The following MYO3B variants were observed in gnomAD, a reference collection of about 807,000 sequenced individuals.
MYO3B encodes the protein myosin-IIIb.
A neutral mutation model predicts 174.6 loss-of-function variants in MYO3B; 156 were observed. The ratio of observed to expected loss-of-function variants is 0.89; its 90% confidence interval spans 0.78 to 1.02. MYO3B has a LOEUF of 1.02. Ranked by LOEUF, MYO3B falls within the 50% of genes least tolerant of loss-of-function variation. MYO3B has a pLI of 0.00. For synonymous variants in MYO3B, 563 were observed against 569.1 expected (o/e 0.99, Z 0.15); for missense variants, 1,632 against 1,639.4 (o/e 1.00, Z 0.08).
intron 7 of MYO3B, among the ~76,000 whole-genome samples, chr2:170,269,422 T>G (rs2093410739): frequency 6.6e-6 from 1 of 152,184 alleles, no homozygotes; most frequent in Admixed American, 6.5e-5. Flanking sequence ...TGCTTCCATT[T>G]TTTTTCCCCA....
intron 5 of MYO3B, among the ~76,000 whole-genome samples, chr2:170,216,886 A>G (rs964436888): frequency 1.1e-5 from 1 of 91,436 alleles, no homozygotes; most frequent in Admixed American, 8.7e-5. Flanking sequence ...GATGTCCATT[A>G]GGGAAAAAAA....
chr2:170,342,686 G>C (rs537888265), intron 8 of MYO3B, among the ~76,000 whole-genome samples: 27 of 152,176 alleles, frequency 1.8e-4, no homozygotes, highest in Non-Finnish European at 3.5e-4. Flanking sequence ...GCTAGGCACT[G>C]TTCTCTACAT....
chr2:170,242,552 G>A (rs2093145951), intron 7 of MYO3B, among the ~76,000 whole-genome samples: 1 of 152,134 alleles, frequency 6.6e-6, no homozygotes, highest in Non-Finnish European at 1.5e-5. Context: ...TGTAGGTACT[G>A]CTTGCTGCCC....
chr2:170,551,774 T>C (rs968695714), intron 32 of MYO3B, among the ~76,000 whole-genome samples: 1 of 152,178 alleles, frequency 6.6e-6, no homozygotes, highest in Admixed American at 6.5e-5. Context: ...CCAAATCTCA[T>C]GTTGAATTGT....
rs926730376 is a variant in MYO3B, at chr2:170,558,209, G to A, written c.3733+14221G>A. ...CCAGCTACTCAGGAGGCTGAGGCAG[G>A]AGAATGGTGTGAACCCGGGAGGCGG... On this transcript the variant is annotated intron_variant, in intron 32 of 34. Transcript: ENST00000408978. 9.9e-5 allele frequency among the ~76,000 whole-genome samples: 15 copies of A among 152,040 alleles called. No individual in the cohort carries two copies. The South Asian group carries it at 1.2e-3, about 13-fold the overall frequency.
chr2:170,217,337 C>T lies in MYO3B; in HGVS notation c.545C>T (p.Thr182Ile). Residue 182 changes from threonine to isoleucine, a missense_variant, in exon 6 of 35, where the codon ACC (threonine) becomes ATC (isoleucine). Coordinates refer to ENST00000408978, the MANE Select transcript of MYO3B (RefSeq NM_138995.5). ...CTTATAGGTGTTTCAGCTCAACTCACCAGTACACGTCTGCGGAGAAACACA... is the reference window on the plus strand; with the variant it reads ...CTTATAGGTGTTTCAGCTCAACTCATCAGTACACGTCTGCGGAGAAACACA... ...LVDFGVSAQLTSTRLRRNTSV... is the reference protein window; with the variant it reads ...LVDFGVSAQLISTRLRRNTSV... 6.2e-7 allele frequency: 1 copy of T among 1,614,090 alleles called. No homozygotes were observed. The highest frequency in any genetic ancestry group is 2.2e-5 in the East Asian group (1 of 44,878).
chr2:170,568,512 A>G (rs921662896), intron 32 of MYO3B, among the ~76,000 whole-genome samples: 3 of 152,214 alleles, frequency 2.0e-5, no homozygotes, highest in African/African-American at 7.2e-5. Context: ...TGGTTTAGCT[A>G]TTGTGTGACT....
At chr2:170,474,730 T>C (rs10196673) in intron 25 of MYO3B, among the ~76,000 whole-genome samples, 129,722 of 131,244 alleles carry the variant, frequency 0.99, 64,107 homozygotes, top group East Asian at 1. Context: ...GTGACAAGAG[T>C]GAAACTCCGT....
chr2:170,381,991 T>C (rs747494761), intron 9 of MYO3B, 25 bp from the exon 10 acceptor site: 4 of 1,596,886 alleles, frequency 2.5e-6, no homozygotes, highest in Non-Finnish European at 2.6e-6. Flanking sequence ...GTCTTAATGC[T>C]TAAACTCTCT....
At chr2:170,633,645 A>C (rs754625964) in intron 32 of MYO3B, among the ~76,000 whole-genome samples, 1 of 152,220 alleles carries the variant, frequency 6.6e-6, no homozygotes, top group African/African-American at 2.4e-5. Flanking sequence ...AGAAAGAAAG[A>C]AACGGTATTC....
At chr2:170,198,586 A>ACATCAGC (rs1258385860) in intron 1 of MYO3B, among the ~76,000 whole-genome samples, 2 of 152,182 alleles carry the variant, frequency 1.3e-5, no homozygotes, top group Non-Finnish European at 2.9e-5. Flanking sequence ...TTGGGCTGGG[A>ACATCAGC]CATCAGCCAT....
At chr2:170,360,190 A>G (rs554888004) in intron 8 of MYO3B, among the ~76,000 whole-genome samples, 1 of 152,282 alleles carries the variant, frequency 6.6e-6, no homozygotes, top group East Asian at 1.9e-4. Context: ...TTCTCCTTGT[A>G]GGGAGAAGAA....
In MYO3B at chr2:170,263,761, TGCCTTCCTCTTATCTCAACTGCAAAGAG is replaced by T. The variant is rs879891319; in HGVS notation, c.749+27665_749+27692del. Reference sequence around the variant, plus strand: ...TGCTCAGGAACAAGTAGGAGACAGATGCCTTCCTCTTATCTCAACTGCAAAGAGGCCTTCCTCTTATCTCAACTGCAAA... The same window carrying T: ...TGCTCAGGAACAAGTAGGAGACAGATGCCTTCCTCTTATCTCAACTGCAAA... On this transcript the variant is annotated intron_variant, in intron 7 of 34. Transcript: ENST00000408978. Among the ~76,000 whole-genome samples, 684 of 151,976 alleles carry T rather than the reference TGCCTTCCTCTTATCTCAACTGCAAAGAG, an allele frequency of 4.5e-3. 17 individuals carry two copies. Among genetic ancestry groups the T allele is most frequent in the Admixed American group, 0.039 (593 of 15,216 alleles).
chr2:170,368,613 C>A (rs1346035658), intron 8 of MYO3B, among the ~76,000 whole-genome samples: 1 of 152,066 alleles, frequency 6.6e-6, no homozygotes, highest in Non-Finnish European at 1.5e-5. Flanking sequence ...CTTTTTGTTC[C>A]CTGTTTGTAT....
chr2:170,472,825 C>G (rs1271130532), intron 25 of MYO3B, among the ~76,000 whole-genome samples: 2 of 151,918 alleles, frequency 1.3e-5, no homozygotes, highest in African/African-American at 4.8e-5. Context: ...CCTTAGCCTC[C>G]CAAGTAGCTG....
At chr2:170,232,422 C>A (rs1204060064) in intron 6 of MYO3B, among the ~76,000 whole-genome samples, 3 of 152,222 alleles carry the variant, frequency 2.0e-5, no homozygotes, top group African/African-American at 7.2e-5. Flanking sequence ...TGGTAAGGAG[C>A]AATCCTGAAT....
At chr2:170,481,590 T>A (rs1467105761) in intron 25 of MYO3B, among the ~76,000 whole-genome samples, 2 of 152,050 alleles carry the variant, frequency 1.3e-5, no homozygotes, top group African/African-American at 4.8e-5. Context: ...AATTTAAAAA[T>A]TTTTAAAAAG....
chr2:170,278,770 G>T (rs1013173059), intron 7 of MYO3B, among the ~76,000 whole-genome samples: 1 of 151,480 alleles, frequency 6.6e-6, no homozygotes, highest in East Asian at 1.9e-4. Flanking sequence ...CCTAACCCCC[G>T]CCACATATAC....
chr2:170,345,899 G>A (rs2094012060), intron 8 of MYO3B, among the ~76,000 whole-genome samples: 1 of 151,818 alleles, frequency 6.6e-6, no homozygotes, highest in Non-Finnish European at 1.5e-5. Context: ...CCAGCAGCTA[G>A]GAGAGGGACC....
Sources: allele counts gnomAD v4.1 joint callset (sites outside exome capture counted in the v4.1 genomes callset), GRCh38; gene constraint gnomAD v4.1.1; transcripts MANE v1.5; gene names NCBI Gene and HGNC (gene_info 2026-07-23, HGNC 2026-07-21).